Variants in KLRG1 observed in about 807,000 individuals in gnomAD.
KLRG1 encodes the protein killer cell lectin like receptor G1, also known as killer cell lectin-like receptor subfamily G member 1.
A neutral mutation model predicts 21.8 loss-of-function variants in KLRG1; 16 were observed. The observed-to-expected ratio is 0.73, with a 90% confidence interval of 0.50 to 1.11. The LOEUF (loss-of-function observed/expected upper bound fraction) is 1.11. Among genes scored for constraint, KLRG1 ranks in the 50% most tolerant of loss-of-function variants. The pLI is 0.00. For synonymous variants in KLRG1, 69 were observed against 75.9 expected, an observed-to-expected ratio of 0.91 and a Z score of 0.47; for missense variants, 173 against 218.3, an observed-to-expected ratio of 0.79 and a Z score of 1.31.
At chr12:9,182,934 C>A in the KLRG1 span, among the ~76,000 whole-genome samples, 1 of 152,186 alleles carries the variant, frequency 6.6e-6, no homozygotes, top group Non-Finnish European at 1.5e-5. Context: ...CCTCCTGTCC[C>A]AGATTCCCAG....
the KLRG1 span, chr12:9,192,732 G>A: frequency 2.5e-6 from 4 of 1,601,200 alleles, no homozygotes; most frequent in South Asian, 3.3e-5. Context: ...GGGATGCACA[G>A]TGAAAACCTG....
chr12:9,019,756 GA>G, the KLRG1 span, among the ~76,000 whole-genome samples: 2 of 152,050 alleles, frequency 1.3e-5, no homozygotes, highest in Non-Finnish European at 1.5e-5. Context: ...CCTTTAAAAA[GA>G]AAATACAAAT....
intron 1 of KLRG1, among the ~76,000 whole-genome samples, chr12:8,951,245 G>A (rs911792815): frequency 6.6e-6 from 1 of 152,192 alleles, no homozygotes; most frequent in Middle Eastern, 3.4e-3. Context: ...TTCCGGGGCA[G>A]AAGGATCACT....
chr12:9,115,564 T>TA, the KLRG1 span: 1 of 524,660 alleles, frequency 1.9e-6, no homozygotes, highest in Non-Finnish European at 3.4e-6. Context: ...AGGCTTTGCA[T>TA]ATTAGAGCTT....
chr12:9,088,300 C>T, the KLRG1 span, among the ~76,000 whole-genome samples: 1 of 151,358 alleles, frequency 6.6e-6, no homozygotes, highest in African/African-American at 2.4e-5. Context: ...ATTAGGTAGG[C>T]ACATTTGATT....
the KLRG1 span, chr12:9,149,130 A>G: frequency 6.6e-6 from 5 of 758,916 alleles, no homozygotes; most frequent in East Asian, 9.9e-5. Context: ...TTAGGTTTAT[A>G]TGCCATGTGG....
the KLRG1 span, among the ~76,000 whole-genome samples, chr12:9,082,433 C>G: frequency 6.6e-6 from 1 of 152,188 alleles, no homozygotes; most frequent in Non-Finnish European, 1.5e-5. Flanking sequence ...CAACCAGTGG[C>G]CCTACCAAAC....
intron 1 of KLRG1, among the ~76,000 whole-genome samples, chr12:8,952,286 G>T (rs1049753009): frequency 6.6e-6 from 1 of 152,206 alleles, no homozygotes; most frequent in African/African-American, 2.4e-5. Flanking sequence ...AGAGAGGAAG[G>T]TAATTAACAG....
At chr12:9,125,828 G>A in the KLRG1 span, among the ~76,000 whole-genome samples, 3 of 152,134 alleles carry the variant, frequency 2.0e-5, no homozygotes, top group Non-Finnish European at 2.9e-5. Context: ...TCCACCTCCC[G>A]GGTTCAAATG....
chr12:9,144,777 C>T, the KLRG1 span, among the ~76,000 whole-genome samples: 3 of 152,088 alleles, frequency 2.0e-5, no homozygotes, highest in East Asian at 5.8e-4. Context: ...GCTGACATCT[C>T]TCTGGCCGGA....
chr12:9,202,544 C>T, the KLRG1 span: 5 of 1,614,088 alleles, frequency 3.1e-6, no homozygotes, highest in Middle Eastern at 4.9e-4. Flanking sequence ...CTGGTTTATA[C>T]ATGGGTTTGT....
chr12:9,091,411 C>T, the KLRG1 span: 2 of 1,614,040 alleles, frequency 1.2e-6, no homozygotes, highest in African/African-American at 2.7e-5. Flanking sequence ...TTACTCCTAC[C>T]TCAGCCACAC....
the KLRG1 span, among the ~76,000 whole-genome samples, chr12:9,031,679 G>A: frequency 1.2e-4 from 18 of 152,274 alleles, no homozygotes; most frequent in South Asian, 1.9e-3. Context: ...CAAGGTGGTC[G>A]GGGCACAGCT....
At chr12:8,952,986 A>G (rs1946230261) in intron 1 of KLRG1, among the ~76,000 whole-genome samples, 1 of 151,848 alleles carries the variant, frequency 6.6e-6, no homozygotes, top group South Asian at 2.1e-4. Context: ...TGTTTGATAT[A>G]TCTGATGTAG....
intron 3 of KLRG1, among the ~76,000 whole-genome samples, chr12:8,997,737 A>G (rs186268319): frequency 6.6e-6 from 1 of 152,160 alleles, no homozygotes; most frequent in East Asian, 1.9e-4. Context: ...AACAGAGGCT[A>G]CCATGGATTG....
chr12:8,961,791 A>T (rs1297834058), intron 1 of KLRG1, among the ~76,000 whole-genome samples: 2 of 152,106 alleles, frequency 1.3e-5, no homozygotes, highest in Non-Finnish European at 2.9e-5. Flanking sequence ...ATCCAGGTAA[A>T]AATTGCCACA....
chr12:8,965,568 G>C (rs987594164), intron 1 of KLRG1, among the ~76,000 whole-genome samples: 6 of 152,114 alleles, frequency 3.9e-5, no homozygotes, highest in African/African-American at 1.2e-4. Flanking sequence ...GCCAAATCAT[G>C]AGTGAACTCC....
At chr12:9,191,549 A>G in the KLRG1 span, among the ~76,000 whole-genome samples, 1 of 152,144 alleles carries the variant, frequency 6.6e-6, no homozygotes, top group Non-Finnish European at 1.5e-5. Context: ...CTACATAAAT[A>G]GAAAATATTA....
chr12:8,978,728 CT>C (rs1169402139), intron 1 of KLRG1, among the ~76,000 whole-genome samples: 103 of 123,226 alleles, frequency 8.4e-4, no homozygotes, highest in African/African-American at 2.9e-3. Flanking sequence ...TTCTTTCTTT[CT>C]TTTTTTTTGG....
Sources: gnomAD v4.1 joint callset for allele counts (sites outside exome capture counted in the v4.1 genomes callset) on GRCh38, gnomAD v4.1.1 for gene constraint, MANE v1.5 for transcripts, NCBI Gene and HGNC (gene_info 2026-07-23, HGNC 2026-07-21) for gene names.